Variants in COL27A1 observed in about 807,000 individuals in gnomAD.
COL27A1 encodes collagen type XXVII alpha 1 chain, also known as collagen alpha-1(XXVII) chain.
In COL27A1, 106 loss-of-function variants were observed where a neutral mutation model predicts 251.3. The ratio of observed to expected loss-of-function variants is 0.42; its 90% confidence interval spans 0.36 to 0.50. The LOEUF (loss-of-function observed/expected upper bound fraction) is 0.50, where lower values mean the gene tolerates loss of function less well. Ranked by LOEUF, COL27A1 falls within the 20% of genes least tolerant of loss-of-function variation. The probability of loss-of-function intolerance (pLI) is 0.00; values close to 1 mark genes in which losing one functional copy is unlikely to be tolerated. For synonymous variants in COL27A1, 1,000 were observed against 986.3 expected, an observed-to-expected ratio of 1.01 and a Z score of -0.26; for missense variants, 2,325 against 2,522.8, an observed-to-expected ratio of 0.92 and a Z score of 1.68.
Position 114,288,748 on chromosome 9 carries a change from G to T in COL27A1, c.4091G>T (p.Gly1364Val). 6.2e-7 allele frequency: 1 copy of T among 1,610,560 alleles called. No homozygotes were observed. Among genetic ancestry groups the T allele is most frequent in the Non-Finnish European group, 8.5e-7 (1 of 1,177,224 alleles). Reference sequence around the variant, plus strand: ...GACCGCGGGGAACCGGGAGACCCTGGGTACCCTGTAAGTATCAGAGCTCCT... The same window carrying T: ...GACCGCGGGGAACCGGGAGACCCTGTGTACCCTGTAAGTATCAGAGCTCCT... Reference protein sequence around the residue: ...RGDRGEPGDPGYPGQEGVQGL... With the variant: ...RGDRGEPGDPVYPGQEGVQGL... The change falls in exon 43 of 61, where the codon GGG becomes GTG. Residue 1364 changes from glycine (G) to valine (V), a missense_variant. By Grantham distance (109) the Gly-to-Val change is moderately radical (BLOSUM62 -3). Coordinates refer to ENST00000356083, the MANE Select transcript of COL27A1 (RefSeq NM_032888.4).
intron 48 of COL27A1, among the ~76,000 whole-genome samples, chr9:114,291,897 C>G (rs189948740): frequency 6.6e-6 from 1 of 152,044 alleles, no homozygotes; most frequent in Admixed American, 6.5e-5. Flanking sequence ...GCCCGGAATG[C>G]GAGAGGAGAG....
At chr9:114,238,041 C>T (rs80043134) in intron 19 of COL27A1, among the ~76,000 whole-genome samples, 5 of 152,314 alleles carry the variant, frequency 3.3e-5, no homozygotes, top group South Asian at 2.1e-4. Flanking sequence ...CCACATTCTC[C>T]ACTCAGAGTT....
In COL27A1 at chr9:114,282,575, T is replaced by C; in HGVS notation, c.3879+11T>C. ...AGCCTGGGACCAACGGTGAGGACTC[T>C]CTGGCTGGGGTGGGGGAGTCAGATG... is the stretch of plus-strand genomic sequence containing the variant. On this transcript the variant is annotated intron_variant, in intron 39 of 60. Coordinates refer to ENST00000356083, the MANE Select transcript of COL27A1 (RefSeq NM_032888.4). The C allele has an allele frequency of 6.7e-7, 1 of 1,482,660 alleles. No individual in the cohort carries two copies. Among genetic ancestry groups the C allele is most frequent in the South Asian group, 1.3e-5 (1 of 76,796 alleles). 91.8% of individuals were successfully genotyped at this position (1,482,660 alleles called of 1,614,324 possible).
chr9:114,260,883 C>T (rs903379368), intron 28 of COL27A1, among the ~76,000 whole-genome samples: 3 of 152,144 alleles, frequency 2.0e-5, no homozygotes, highest in African/African-American at 4.8e-5. Flanking sequence ...TTCCTCCTTC[C>T]GAGGGGGTCG....
chr9:114,289,262 G>A lies in COL27A1; in HGVS notation c.4173G>A (p.Gly1391=), dbSNP rs1031071903. ...TGCAGGGGCATCCGGGACCCCGGGG[G>A]TGGCCGGGACCCAAAGGATCGAAAG... The part of the protein sequence containing the change: ...QGQPGHPGPR[G]WPGPKGSKGA... Residue 1391 remains glycine, a synonymous_variant, in exon 45 of 61, where the codon GGG becomes GGA. Transcript: ENST00000356083. 1.3e-6 allele frequency: 2 copies of A among 1,596,014 alleles called. No homozygotes were observed. The highest frequency in any genetic ancestry group is 1.3e-5 in the African/African-American group (1 of 74,736).
At chr9:114,211,090 T>G in intron 12 of COL27A1, 64 bp downstream of exon 12, 1 of 1,516,054 alleles carries the variant, frequency 6.6e-7, no homozygotes, top group Non-Finnish European at 9.2e-7. Context: ...ACGGCCACGC[T>G]GCCCTGGCCA....
intron 49 of COL27A1, among the ~76,000 whole-genome samples, chr9:114,292,965 C>A (rs940207018): frequency 1.3e-5 from 2 of 152,146 alleles, no homozygotes; most frequent in Non-Finnish European, 2.9e-5. Context: ...ACTGATAAAG[C>A]TACAAGGAGA....
chr9:114,198,518 T>C (rs540526290), intron 7 of COL27A1, among the ~76,000 whole-genome samples: 3 of 152,278 alleles, frequency 2.0e-5, no homozygotes, highest in Admixed American at 6.5e-5. Context: ...TCCAGGTGTT[T>C]CCCACATGCA....
At chr9:114,220,781 G>A (rs1047613729) in intron 13 of COL27A1, among the ~76,000 whole-genome samples, 2 of 152,184 alleles carry the variant, frequency 1.3e-5, no homozygotes, top group South Asian at 4.2e-4. Flanking sequence ...ATCACTTGAG[G>A]CCAGGAGTTC....
At chr9:114,159,892 T>A (rs968893989) in intron 1 of COL27A1, among the ~76,000 whole-genome samples, 1 of 152,216 alleles carries the variant, frequency 6.6e-6, no homozygotes, top group Non-Finnish European at 1.5e-5. Context: ...CTCATGCTAT[T>A]GCCATTTGCT....
intron 41 of COL27A1, among the ~76,000 whole-genome samples, chr9:114,285,862 T>C (rs1184002242): frequency 6.6e-6 from 1 of 152,172 alleles, no homozygotes; most frequent in East Asian, 1.9e-4. Context: ...CTAGAAGCAG[T>C]CTCTGTGGCT....
At chr9:114,158,874 A>C (rs1337602392) in intron 1 of COL27A1, among the ~76,000 whole-genome samples, 1 of 152,244 alleles carries the variant, frequency 6.6e-6, no homozygotes, top group African/African-American at 2.4e-5. Context: ...AGACAAGTCA[A>C]ATGAAAAGGA....
intron 40 of COL27A1, 63 bp from the exon 41 acceptor site, chr9:114,284,661 G>A: frequency 6.4e-7 from 1 of 1,557,762 alleles, no homozygotes; most frequent in African/African-American, 1.4e-5. Context: ...CCATCTTGGA[G>A]TCCATGTCCT....
chr9:114,291,140 T>C (rs538175434), intron 48 of COL27A1, among the ~76,000 whole-genome samples: 3 of 152,292 alleles, frequency 2.0e-5, no homozygotes, highest in African/African-American at 7.2e-5. Context: ...TACCAGGCCC[T>C]TGAAACCTTC....
chr9:114,251,415 TCCTCCTCCTCCCTCGCTTCCC>T (rs1233763434), intron 25 of COL27A1, among the ~76,000 whole-genome samples: 1 of 152,078 alleles, frequency 6.6e-6, no homozygotes, highest in African/African-American at 2.4e-5. Flanking sequence ...GCCTTCCTCC[TCCTCCTCCTCCCTCGCTTCCC>T]CCTCCTCCTC....
At chr9:114,231,924 GC>G in intron 16 of COL27A1, 58 bp downstream of exon 16, 6 of 1,549,440 alleles carry the variant, frequency 3.9e-6, no homozygotes, top group Non-Finnish European at 5.3e-6. Context: ...CCCCCTCTCC[GC>G]CCGGAGGCTG....
chr9:114,195,838 T>C, intron 6 of COL27A1, 121 bp from the exon 7 acceptor site: 1 of 832,418 alleles, frequency 1.2e-6, no homozygotes. Flanking sequence ...GGCCTCTACT[T>C]CTCTATGAAT....
intron 48 of COL27A1, among the ~76,000 whole-genome samples, chr9:114,291,133 C>T (rs568480062): frequency 1.3e-5 from 2 of 152,300 alleles, no homozygotes; most frequent in African/African-American, 4.8e-5. Flanking sequence ...TCGCCCCTAC[C>T]AGGCCCTTGA....
At chr9:114,174,241 G>T (rs2135120804) in intron 3 of COL27A1, among the ~76,000 whole-genome samples, 1 of 152,230 alleles carries the variant, frequency 6.6e-6, no homozygotes, top group East Asian at 1.9e-4. Flanking sequence ...ACTGGGGAGA[G>T]TTAAAGGAAC....
Sources: gnomAD v4.1 joint callset for allele counts (sites outside exome capture counted in the v4.1 genomes callset) on GRCh38, gnomAD v4.1.1 for gene constraint, MANE v1.5 for transcripts, NCBI Gene and HGNC (gene_info 2026-07-23, HGNC 2026-07-21) for gene names.